Variants in DIAPH3 observed in about 807,000 individuals in gnomAD.
DIAPH3 encodes the protein protein diaphanous homolog 3.
DIAPH3 carries 117 observed loss-of-function variants against 144.3 expected under a neutral mutation model. The ratio of observed to expected loss-of-function variants is 0.81; its 90% CI spans 0.70 to 0.95. DIAPH3 has a LOEUF of 0.95. Ranked by LOEUF, DIAPH3 falls within the 40% of genes least tolerant of loss-of-function variation. The pLI is 0.00. For missense variants in DIAPH3, 1,421 were observed against 1,412.7 expected (o/e 1.01, Z -0.09); for synonymous variants, 519 against 488.9 (o/e 1.06, Z -0.81).
chr13:59,905,026 A>C (rs1248705087), intron 20 of DIAPH3, among the ~76,000 whole-genome samples: 1 of 152,118 alleles, frequency 6.6e-6, no homozygotes, highest in Non-Finnish European at 1.5e-5. Context: ...AAGGAAAAGA[A>C]TCCTCACTTA....
intron 22 of DIAPH3, among the ~76,000 whole-genome samples, chr13:59,853,050 A>G (rs2043068187): frequency 1.3e-5 from 2 of 152,170 alleles, no homozygotes; most frequent in African/African-American, 4.8e-5. Context: ...TTAAGTACTA[A>G]TATTGCACCC....
chr13:59,853,871 T>G (rs777823145), intron 22 of DIAPH3, among the ~76,000 whole-genome samples: 1 of 152,182 alleles, frequency 6.6e-6, no homozygotes, highest in Admixed American at 6.5e-5. Flanking sequence ...TTCCATGCAC[T>G]GTTTCATAAT....
At chr13:59,922,213 T>C (rs533884957) in intron 18 of DIAPH3, among the ~76,000 whole-genome samples, 2 of 151,942 alleles carry the variant, frequency 1.3e-5, no homozygotes, top group African/African-American at 2.4e-5. Context: ...CCAGGGCAAT[T>C]AGGTAAGAGA....
At chr13:60,003,529 A>G (rs1169451389) in intron 9 of DIAPH3, among the ~76,000 whole-genome samples, 5 of 150,422 alleles carry the variant, frequency 3.3e-5, no homozygotes, top group Non-Finnish European at 7.4e-5. Context: ...ATATATATAT[A>G]GATATATCTA....
At chr13:59,865,962 C>G (rs1463899005) in intron 21 of DIAPH3, among the ~76,000 whole-genome samples, 1 of 152,086 alleles carries the variant, frequency 6.6e-6, no homozygotes, top group African/African-American at 2.4e-5. Flanking sequence ...AATAACTCTA[C>G]TCCGCATCAT....
At chr13:59,686,549 G>C (rs1368721522) in intron 27 of DIAPH3, among the ~76,000 whole-genome samples, 3 of 151,558 alleles carry the variant, frequency 2.0e-5, no homozygotes, top group Non-Finnish European at 2.9e-5. Flanking sequence ...TAAACTCAAG[G>C]ATCTTTTCCC....
At chr13:60,099,588 C>T (rs536521753) in intron 3 of DIAPH3, among the ~76,000 whole-genome samples, 35 of 152,214 alleles carry the variant, frequency 2.3e-4, no homozygotes, top group Non-Finnish European at 4.7e-4. Context: ...CAGTCTCTAC[C>T]GAATGCATGT....
chr13:59,950,780 G>A (rs2049053202), intron 17 of DIAPH3, among the ~76,000 whole-genome samples: 1 of 151,888 alleles, frequency 6.6e-6, no homozygotes, highest in Non-Finnish European at 1.5e-5. Flanking sequence ...TATACGATCA[G>A]TCAAGATATG....
At chr13:59,846,915 A>AT (rs1001421088) in intron 22 of DIAPH3, among the ~76,000 whole-genome samples, 1 of 151,972 alleles carries the variant, frequency 6.6e-6, no homozygotes, top group African/African-American at 2.4e-5. Flanking sequence ...ATCTCTATAA[A>AT]TTTTTTTAAA....
At chr13:59,814,436 T>C (rs1042795418) in intron 24 of DIAPH3, among the ~76,000 whole-genome samples, 1 of 152,148 alleles carries the variant, frequency 6.6e-6, no homozygotes, top group African/African-American at 2.4e-5. Context: ...GAATTTTAGC[T>C]GAAAAAATAC....
At chr13:59,751,415 C>T (rs1022145129) in intron 27 of DIAPH3, among the ~76,000 whole-genome samples, 9 of 152,180 alleles carry the variant, frequency 5.9e-5, no homozygotes, top group African/African-American at 2.2e-4. Flanking sequence ...CTTTAAAATT[C>T]CAGCAAAACA....
At chr13:59,798,596 A>G (rs1408467225) in intron 25 of DIAPH3, among the ~76,000 whole-genome samples, 1 of 152,198 alleles carries the variant, frequency 6.6e-6, no homozygotes, top group African/African-American at 2.4e-5. Flanking sequence ...GGAACAACAA[A>G]GGTAGTCTTT....
chr13:59,933,346 T>C (rs1027364329), intron 17 of DIAPH3, among the ~76,000 whole-genome samples: 1 of 152,126 alleles, frequency 6.6e-6, no homozygotes, highest in African/African-American at 2.4e-5. Context: ...GAAAATGAAA[T>C]GAGATGATAA....
At chr13:59,854,838 GAA>G (rs1217450961) in intron 22 of DIAPH3, among the ~76,000 whole-genome samples, 1 of 152,126 alleles carries the variant, frequency 6.6e-6, no homozygotes, top group African/African-American at 2.4e-5. Flanking sequence ...TTAGTTTCTC[GAA>G]AAGATTAATG....
At chr13:59,864,424 C>T (rs1397115584) in intron 21 of DIAPH3, among the ~76,000 whole-genome samples, 4 of 151,982 alleles carry the variant, frequency 2.6e-5, no homozygotes, top group Non-Finnish European at 5.9e-5. Context: ...TTCTCGGCAA[C>T]CCATTTTTAC....
At chr13:59,930,683 C>T (rs1362919834) in intron 17 of DIAPH3, among the ~76,000 whole-genome samples, 2 of 152,130 alleles carry the variant, frequency 1.3e-5, no homozygotes, top group South Asian at 2.1e-4. Context: ...TTTATTCTCA[C>T]ACTAATGAGG....
At chr13:59,847,283 G>A (rs939671931) in intron 22 of DIAPH3, among the ~76,000 whole-genome samples, 1 of 152,094 alleles carries the variant, frequency 6.6e-6, no homozygotes, top group Non-Finnish European at 1.5e-5. Flanking sequence ...AATTTTTGTT[G>A]TTTTTACATA....
At chr13:59,987,907 A>G (rs1203430832) in intron 12 of DIAPH3, among the ~76,000 whole-genome samples, 1 of 151,830 alleles carries the variant, frequency 6.6e-6, no homozygotes, top group Non-Finnish European at 1.5e-5. Flanking sequence ...GTTGGGTACT[A>G]TTCTAATGAA....
At chr13:59,671,853 A>G (rs1460488070) in intron 27 of DIAPH3, among the ~76,000 whole-genome samples, 1 of 152,188 alleles carries the variant, frequency 6.6e-6, no homozygotes, top group Admixed American at 6.5e-5. Context: ...CCTCTTAAAT[A>G]CTGATACCCA....
Sources: gnomAD v4.1 joint callset for allele counts (sites outside exome capture counted in the v4.1 genomes callset) on GRCh38, gnomAD v4.1.1 for gene constraint, MANE v1.5 for transcripts, NCBI Gene and HGNC (gene_info 2026-07-23, HGNC 2026-07-21) for gene names.